The following DNER variants were observed in gnomAD, a reference collection of about 807,000 sequenced individuals.
DNER encodes delta and Notch-like epidermal growth factor-related receptor.
Under a neutral mutation model 78.2 loss-of-function variants are expected in DNER, and 33 were observed. The ratio of observed to expected loss-of-function variants is 0.42; its 90% CI spans 0.32 to 0.56. The LOEUF is 0.56. Ranked by LOEUF, DNER falls within the 20% of genes least tolerant of loss-of-function variation. The pLI, the probability that DNER is intolerant of heterozygous loss-of-function variation, is 0.11. For missense variants in DNER, 918 were observed against 975.3 expected, an observed-to-expected ratio of 0.94 and a Z score of 0.78; for synonymous variants, 417 against 384.8, an observed-to-expected ratio of 1.08 and a Z score of -0.98.
intron 1 of DNER, among the ~76,000 whole-genome samples, chr2:229,605,538 G>T (rs1697917912): frequency 6.6e-6 from 1 of 152,190 alleles, no homozygotes; most frequent in South Asian, 2.1e-4. Flanking sequence ...TGTCAGAAAA[G>T]TATATCCATA....
At chr2:229,650,529 G>A (rs757578961) in intron 1 of DNER, among the ~76,000 whole-genome samples, 9 of 152,102 alleles carry the variant, frequency 5.9e-5, no homozygotes, top group African/African-American at 7.2e-5. Context: ...AGAGAACACC[G>A]GACTTCCAAT....
chr2:229,596,057 T>C (rs1258950237), intron 1 of DNER, among the ~76,000 whole-genome samples: 1 of 152,236 alleles, frequency 6.6e-6, no homozygotes, highest in Non-Finnish European at 1.5e-5. Flanking sequence ...ATTTTTTTCT[T>C]TCCCCACTAG....
intron 7 of DNER, among the ~76,000 whole-genome samples, chr2:229,457,004 A>G (rs530723238): frequency 1.0e-3 from 156 of 152,282 alleles, no homozygotes; most frequent in Non-Finnish European, 1.9e-3. Flanking sequence ...GCATAAGATA[A>G]CAAAATGACA....
intron 6 of DNER, among the ~76,000 whole-genome samples, chr2:229,504,173 G>A (rs1695686067): frequency 6.6e-6 from 1 of 152,128 alleles, no homozygotes; most frequent in Non-Finnish European, 1.5e-5. Flanking sequence ...GATGCCCTGT[G>A]TATCTCTTCA....
In DNER at chr2:229,575,285, G is replaced by A. The variant is rs539005589; in HGVS notation, c.847+10573C>T. Reference sequence around the variant, plus strand: ...TTCTCAAAACCAGGCAATCCCCCACGTAATGGATCAGGCCCAAATTGTAGA... The same window carrying A: ...TTCTCAAAACCAGGCAATCCCCCACATAATGGATCAGGCCCAAATTGTAGA... On this transcript the variant is annotated intron_variant, in intron 4 of 12. Coordinates refer to ENST00000341772, the MANE Select transcript of DNER (RefSeq NM_139072.4). Among the ~76,000 whole-genome samples the A allele has an allele frequency of 1.2e-3, 175 of 152,164 alleles. 1 individual carries two copies. The highest frequency in any genetic ancestry group is 1.8e-3 in the African/African-American group (74 of 41,524).
chr2:229,527,995 C>T (rs114983441), intron 5 of DNER, among the ~76,000 whole-genome samples: 1,817 of 152,338 alleles, frequency 0.012, 38 homozygotes, highest in African/African-American at 0.041. Context: ...ACACTTGTCA[C>T]AACACAGGTC....
At chr2:229,407,121 G>T in intron 10 of DNER, 111 bp downstream of exon 10, 1 of 894,768 alleles carries the variant, frequency 1.1e-6, no homozygotes. Context: ...ATTTTGTAAT[G>T]GTGTTTATAT....
intron 8 of DNER, among the ~76,000 whole-genome samples, chr2:229,443,600 C>T (rs1559353271): frequency 1.3e-5 from 2 of 152,126 alleles, no homozygotes; most frequent in African/African-American, 2.4e-5. Context: ...AATAAAACAC[C>T]CGGCAAATCT....
At chr2:229,578,433 G>A (rs879713555) in intron 4 of DNER, among the ~76,000 whole-genome samples, 23 of 152,146 alleles carry the variant, frequency 1.5e-4, no homozygotes, top group Non-Finnish European at 2.5e-4. Flanking sequence ...AAAAGGATTC[G>A]TCAAGAAATG....
At chr2:229,407,191 T>C in intron 10 of DNER, 41 bp downstream of exon 10, 1 of 1,569,174 alleles carries the variant, frequency 6.4e-7, no homozygotes, top group South Asian at 1.1e-5. Context: ...TCTCGGGCAC[T>C]TTGTGGTAAA....
chr2:229,489,549 G>A (rs1421218498), intron 6 of DNER, among the ~76,000 whole-genome samples: 1 of 151,128 alleles, frequency 6.6e-6, no homozygotes, highest in African/African-American at 2.4e-5. Context: ...GGAGGAAGAG[G>A]AAGGGGAGGA....
intron 9 of DNER, among the ~76,000 whole-genome samples, chr2:229,411,373 A>G (rs1325367716): frequency 1.3e-5 from 2 of 152,174 alleles, no homozygotes; most frequent in Non-Finnish European, 1.5e-5. Context: ...CCTGGCCAAC[A>G]TGGTGAAACC....
intron 7 of DNER, among the ~76,000 whole-genome samples, chr2:229,456,069 T>C (rs1477024702): frequency 6.6e-6 from 1 of 151,980 alleles, no homozygotes. Flanking sequence ...GACTGGGTAA[T>C]TTATAAAGAA....
intron 5 of DNER, among the ~76,000 whole-genome samples, chr2:229,530,886 G>A (rs1333213580): frequency 1.3e-5 from 2 of 152,166 alleles, no homozygotes; most frequent in Non-Finnish European, 2.9e-5. Context: ...TGTAGGCCAA[G>A]TTTCTTGGGA....
At chr2:229,388,832 G>A (rs1400140504) in intron 10 of DNER, among the ~76,000 whole-genome samples, 1 of 151,544 alleles carries the variant, frequency 6.6e-6, no homozygotes, top group Non-Finnish European at 1.5e-5. Flanking sequence ...GCTGCATCTC[G>A]TTATTTTTCT....
intron 4 of DNER, among the ~76,000 whole-genome samples, chr2:229,569,902 G>A (rs1697185052): frequency 6.6e-6 from 1 of 152,106 alleles, no homozygotes; most frequent in African/African-American, 2.4e-5. Context: ...TCTCCACAAT[G>A]TATTCTACGA....
At chr2:229,583,939 C>T (rs986072953) in intron 4 of DNER, among the ~76,000 whole-genome samples, 1 of 152,046 alleles carries the variant, frequency 6.6e-6, no homozygotes, top group Non-Finnish European at 1.5e-5. Context: ...TTCTTTTCAC[C>T]CAGTAAAATT....
intron 7 of DNER, 89 bp from the exon 8 acceptor site, chr2:229,447,629 T>C: frequency 7.6e-7 from 1 of 1,320,538 alleles, no homozygotes; most frequent in Non-Finnish European, 1.0e-6. Flanking sequence ...TGTATATGCA[T>C]AACAATTAAT....
At chr2:229,598,724 T>C (rs376533482) in intron 1 of DNER, among the ~76,000 whole-genome samples, 12 of 151,060 alleles carry the variant, frequency 7.9e-5, no homozygotes, top group African/African-American at 2.9e-4. Context: ...CAAGAAGAGG[T>C]GGTCTGGGAG....
Sources: allele counts gnomAD v4.1 joint callset (sites outside exome capture counted in the v4.1 genomes callset), GRCh38; gene constraint gnomAD v4.1.1; transcripts MANE v1.5; gene names NCBI Gene and HGNC (gene_info 2026-07-23, HGNC 2026-07-21).